Variants in NANS observed in about 807,000 individuals in gnomAD.
NANS encodes the protein N-acetylneuraminate-9-phosphate synthase.
A neutral mutation model predicts 33.3 loss-of-function variants in NANS; 29 were observed. That is an observed-to-expected ratio of 0.87 (90% confidence interval 0.65 to 1.19). NANS has a LOEUF of 1.19. Ranked by LOEUF, NANS falls within the 50% of genes most tolerant of loss-of-function variation. NANS has a pLI of 0.00. For synonymous variants in NANS, 163 were observed against 177.2 expected (o/e 0.92, Z 0.64); for missense variants, 394 against 461.1 (o/e 0.85, Z 1.33).
intron 4 of NANS, among the ~76,000 whole-genome samples, chr9:98,078,836 G>GA (rs11424970): frequency 0.42 from 51,585 of 122,920 alleles, 12,293 homozygotes; most frequent in African/African-American, 0.67. Flanking sequence ...CTCTCAGGGG[G>GA]AAAAAAAAAA....
At position 98,056,859 on chromosome 9, in the gene NANS, C is replaced by A. The variant is rs1300812072; in HGVS notation, c.51C>A (p.His17Gln). Residue 17 changes from histidine (H) to glutamine (Q), a missense_variant, in exon 1 of 6, where the codon CAC becomes CAA. His to Gln is a conservative substitution (Grantham distance 24). Coordinates refer to ENST00000210444, the MANE Select transcript of NANS (RefSeq NM_018946.4). ...CCGGGCGCTGGGTGGGCGGGCAACA[C>A]CCGTGCTTCATCATTGCCGAGATCG... ...LCPGRWVGGQ[H>Q]PCFIIAEIGQ... 1 of 1,612,246 alleles carries A rather than the reference C, an allele frequency of 6.2e-7. No homozygotes were observed. Among genetic ancestry groups the A allele is most frequent in the African/African-American group, 1.3e-5 (1 of 74,742 alleles).
chr9:98,077,691 AATTTC>A (rs1425413680), intron 3 of NANS, among the ~76,000 whole-genome samples: 1 of 152,118 alleles, frequency 6.6e-6, no homozygotes. Context: ...CAACATGAAC[AATTTC>A]ATTTGATCCT....
At position 98,064,420 on chromosome 9, in the gene NANS, G is replaced by GT. The variant is rs551580888; in HGVS notation, c.348+3428dup. 2.2e-3 allele frequency among the ~76,000 whole-genome samples: 330 copies of GT among 152,018 alleles called. 1 individual carries two copies. Among genetic ancestry groups the GT allele is most frequent in the African/African-American group, 7.5e-3 (311 of 41,474 alleles). ...AGGCGCCTGCCACCACACACGGCTAGTTTTTGTATATTTTTAGTAGAGATG... is the reference window on the plus strand; with the variant it reads ...AGGCGCCTGCCACCACACACGGCTAGTTTTTTGTATATTTTTAGTAGAGATG... On this transcript the variant is annotated intron_variant, in intron 2 of 5. Coordinates refer to ENST00000210444, the MANE Select transcript of NANS (RefSeq NM_018946.4).
At chr9:98,077,092 A>G in intron 3 of NANS, 75 bp downstream of exon 3, 2 of 1,076,366 alleles carry the variant, frequency 1.9e-6, no homozygotes, top group Non-Finnish European at 2.7e-6. Flanking sequence ...ATGGTGGCCC[A>G]CTTTCAGCAG....
chr9:98,081,674 ACCTTCTTG>A (rs1041727768), intron 5 of NANS: 1 of 152,354 alleles, frequency 6.6e-6, no homozygotes, highest in African/African-American at 2.4e-5. Context: ...CGTGGCCTGG[ACCTTCTTG>A]CCTTCTGAGT....
intron 3 of NANS, 159 bp from the exon 4 acceptor site, chr9:98,078,034 C>T: frequency 9.3e-7 from 1 of 1,078,948 alleles, no homozygotes; most frequent in Non-Finnish European, 1.3e-6. Flanking sequence ...GGCAGGAACC[C>T]AACAAGCTCC....
intron 2 of NANS, among the ~76,000 whole-genome samples, chr9:98,070,718 T>C (rs2181582): frequency 0.61 from 92,240 of 151,748 alleles, 30,755 homozygotes; most frequent in African/African-American, 0.88. Flanking sequence ...TCGCGCCTGG[T>C]CACAATTTTA....
At chr9:98,062,675 C>T (rs1269018220) in intron 2 of NANS, among the ~76,000 whole-genome samples, 1 of 151,884 alleles carries the variant, frequency 6.6e-6, no homozygotes, top group East Asian at 1.9e-4. Context: ...TTTTACCCCA[C>T]CTTATGCTTA....
rs148983734 is a variant in NANS at position 98,080,956 on chromosome 9, T to G, written c.744T>G (p.Ser248Arg). Residue 248 changes from serine (S) to arginine (R), a missense_variant, in exon 5 of 6, where the codon AGT becomes AGG. By Grantham distance (110) the Ser-to-Arg change is moderately radical. Coordinates refer to ENST00000210444, the MANE Select transcript of NANS (RefSeq NM_018946.4). Reference protein sequence around the residue: ...HITLDKTWKGSDHSASLEPGE... With the variant: ...HITLDKTWKGRDHSASLEPGE... ...CTTTGGACAAGACCTGGAAGGGGAGTGACCACTCGGCCTCGCTGGAGCCTG... is the reference window on the plus strand; with the variant it reads ...CTTTGGACAAGACCTGGAAGGGGAGGGACCACTCGGCCTCGCTGGAGCCTG... 1.9e-6 allele frequency: 3 copies of G among 1,613,708 alleles called. No homozygotes were observed. Among genetic ancestry groups the G allele is most frequent in the Non-Finnish European group, 1.7e-6 (2 of 1,179,986 alleles).
intron 4 of NANS, among the ~76,000 whole-genome samples, chr9:98,079,580 A>G (rs1829756411): frequency 1.3e-5 from 2 of 152,192 alleles, no homozygotes; most frequent in Admixed American, 1.3e-4. Context: ...AAATCACGTT[A>G]TTTTTAAAAT....
In NANS at chr9:98,081,080, A is replaced by AAGGT. The variant is rs767191768; in HGVS notation, c.869_870+2dup. 2 of 1,614,004 alleles carry AAGGT rather than the reference A, an allele frequency of 1.2e-6. No individual in the cohort carries two copies. The highest frequency in any genetic ancestry group is 8.5e-7 in the Non-Finnish European group (1 of 1,180,002). On this transcript the variant is annotated frameshift_variant and splice_region_variant, in exon 5 of 6. Transcript: ENST00000210444. LOFTEE classifies it high-confidence loss of function. ...GCCCTGTGAGATGGCCTGCAATGAG[A>AAGGT]AGGTGTGTCCTGCCGGACTCTACTC... is the stretch of plus-strand genomic sequence containing the variant.
At chr9:98,067,362 C>T (rs774018344) in intron 2 of NANS, among the ~76,000 whole-genome samples, 12 of 152,166 alleles carry the variant, frequency 7.9e-5, no homozygotes, top group African/African-American at 2.4e-4. Context: ...GCACCATTCC[C>T]GCCAGCAGGG....
chr9:98,066,085 G>C (rs1211357709), intron 2 of NANS, among the ~76,000 whole-genome samples: 1 of 152,142 alleles, frequency 6.6e-6, no homozygotes, highest in African/African-American at 2.4e-5. Flanking sequence ...CTCCATAGTT[G>C]CTTCCCCAGG....
rs981427869 is a variant in NANS at position 98,082,840 on chromosome 9, C to T, written c.871-6C>T. ...AGCTGGCACTGAATGTTCATTTTGTCCACAGCTGGGCAAGTCTGTGGTGGC... is the reference window on the plus strand; with the variant it reads ...AGCTGGCACTGAATGTTCATTTTGTTCACAGCTGGGCAAGTCTGTGGTGGC... On this transcript the variant is annotated splice_polypyrimidine_tract_variant and splice_region_variant and intron_variant, in intron 5 of 5. Coordinates refer to ENST00000210444, the MANE Select transcript of NANS (RefSeq NM_018946.4). 1.2e-6 allele frequency: 2 copies of T among 1,613,606 alleles called. No individual in the cohort carries two copies. Among genetic ancestry groups the T allele is most frequent in the Admixed American group, 1.7e-5 (1 of 59,946 alleles).
At chr9:98,072,243 A>G (rs1308350816) in intron 2 of NANS, among the ~76,000 whole-genome samples, 1 of 152,094 alleles carries the variant, frequency 6.6e-6, no homozygotes. Flanking sequence ...GGGTGCCAGC[A>G]CAGGGCCAGG....
At chr9:98,072,909 T>G (rs1829406448) in intron 2 of NANS, among the ~76,000 whole-genome samples, 1 of 152,204 alleles carries the variant, frequency 6.6e-6, no homozygotes, top group Non-Finnish European at 1.5e-5. Context: ...GGGCGTTCTC[T>G]GTGTGCTGAG....
intron 2 of NANS, among the ~76,000 whole-genome samples, chr9:98,062,597 C>T (rs2131622293): frequency 6.6e-6 from 1 of 152,060 alleles, no homozygotes; most frequent in African/African-American, 2.4e-5. Flanking sequence ...GTTTTATTGC[C>T]TGCTGGTACT....
intron 4 of NANS, 81 bp from the exon 5 acceptor site, chr9:98,080,735 C>T (rs1829814625): frequency 6.8e-7 from 1 of 1,474,904 alleles, no homozygotes; most frequent in South Asian, 1.4e-5. Flanking sequence ...TAAACCGGGG[C>T]TCAACCAGAT....
At position 98,056,970 on chromosome 9, in the gene NANS, T is replaced by A. The variant is rs1452620252; in HGVS notation, c.132+30T>A. The A allele has an allele frequency of 3.2e-6, 5 of 1,547,310 alleles. No individual in the cohort carries two copies. The African/African-American group carries it at 7.1e-5, about 22-fold the overall frequency. On this transcript the variant is annotated intron_variant, in intron 1 of 5. Transcript: ENST00000210444. ...GGCGGCAGCTCCCGGGACCCGGGAT[T>A]CGGGCGCCGGGAGGGGCGGGGCGGG...
Sources: allele counts gnomAD v4.1 joint callset (sites outside exome capture counted in the v4.1 genomes callset), GRCh38; gene constraint gnomAD v4.1.1; transcripts MANE v1.5; gene names NCBI Gene and HGNC (gene_info 2026-07-23, HGNC 2026-07-21).